The following KLF12 variants were observed in gnomAD, a reference collection of about 807,000 sequenced individuals.
KLF12 encodes KLF transcription factor 12, also known as Krueppel-like factor 12.
A neutral mutation model predicts 37.8 loss-of-function variants in KLF12; 9 were observed. That is an observed-to-expected ratio of 0.24 (90% CI 0.14 to 0.42). The LOEUF (loss-of-function observed/expected upper bound fraction) is 0.42. Among genes scored for constraint, KLF12 ranks in the 10% least tolerant of loss-of-function variants. The pLI is 1.00. For synonymous variants in KLF12, 208 were observed against 202.1 expected (o/e 1.03, Z -0.25); for missense variants, 411 against 516.0 (o/e 0.80, Z 1.97).
chr13:74,056,423 A>G (rs1234965010), intron 1 of KLF12, among the ~76,000 whole-genome samples: 2 of 152,212 alleles, frequency 1.3e-5, no homozygotes, highest in Non-Finnish European at 2.9e-5. Flanking sequence ...CTTACAGTAA[A>G]GATTAATAAC....
chr13:74,110,610 T>C (rs536862215), intron 1 of KLF12, among the ~76,000 whole-genome samples: 8 of 152,290 alleles, frequency 5.3e-5, no homozygotes, highest in African/African-American at 1.9e-4. Context: ...GGTAGTACAG[T>C]GCTCAGAGGG....
At chr13:74,153,039 T>C in the KLF12 span, among the ~76,000 whole-genome samples, 1 of 152,154 alleles carries the variant, frequency 6.6e-6, no homozygotes, top group Admixed American at 6.5e-5. Flanking sequence ...TATTGTTTAT[T>C]AAATGTTTGC....
chr13:73,795,428 G>A (rs1881907274), intron 5 of KLF12, among the ~76,000 whole-genome samples: 1 of 152,094 alleles, frequency 6.6e-6, no homozygotes, highest in African/African-American at 2.4e-5. Context: ...TCTTACATAT[G>A]GCAAATGTTC....
intron 3 of KLF12, among the ~76,000 whole-genome samples, chr13:73,893,139 C>A (rs1887592423): frequency 1.3e-5 from 2 of 152,054 alleles, no homozygotes; most frequent in South Asian, 4.1e-4. Context: ...AAAATCCTTG[C>A]CCCACACCTC....
At chr13:74,171,451 C>T in the KLF12 span, among the ~76,000 whole-genome samples, 1 of 152,174 alleles carries the variant, frequency 6.6e-6, no homozygotes, top group Non-Finnish European at 1.5e-5. Context: ...CTGCTAAACA[C>T]ATTCCCTCCC....
chr13:73,770,185 A>G (rs539005688), intron 5 of KLF12, among the ~76,000 whole-genome samples: 1 of 152,318 alleles, frequency 6.6e-6, no homozygotes, highest in East Asian at 1.9e-4. Context: ...TATATAAAAG[A>G]TAATTTAAAA....
chr13:73,878,008 T>C (rs1175546355), intron 3 of KLF12, among the ~76,000 whole-genome samples: 2 of 152,178 alleles, frequency 1.3e-5, no homozygotes, highest in Non-Finnish European at 2.9e-5. Context: ...GATGTTTATA[T>C]AGTTAATACA....
At position 73,831,911 on chromosome 13, in the gene KLF12, A is replaced by C. The variant is rs535666669; in HGVS notation, c.670+13916T>G. 3.3e-5 allele frequency among the ~76,000 whole-genome samples: 5 copies of C among 152,332 alleles called. No individual in the cohort carries two copies. In the South Asian group the frequency reaches 1.0e-3, roughly 32 times the overall value. ...ATCTACTGAGAAGACATTTTGGGGA[A>C]CCCAAGTTATAAAAATAACGATTGA... is the stretch of plus-strand genomic sequence containing the variant. On this transcript the variant is annotated intron_variant, in intron 4 of 7. Coordinates refer to ENST00000377669, the MANE Select transcript of KLF12 (RefSeq NM_007249.5).
chr13:74,174,547 C>G, the KLF12 span, among the ~76,000 whole-genome samples: 2 of 151,870 alleles, frequency 1.3e-5, no homozygotes, highest in Non-Finnish European at 2.9e-5. Context: ...CTGGTACAGC[C>G]TTAGTCTTAA....
At chr13:74,154,539 C>T in the KLF12 span, among the ~76,000 whole-genome samples, 1 of 152,148 alleles carries the variant, frequency 6.6e-6, no homozygotes, top group African/African-American at 2.4e-5. Flanking sequence ...TTTCTCTTTC[C>T]TCCTTTTCCT....
chr13:73,811,217 A>C (rs1416518704), intron 5 of KLF12, among the ~76,000 whole-genome samples: 4 of 151,516 alleles, frequency 2.6e-5, no homozygotes, highest in Non-Finnish European at 4.4e-5. Flanking sequence ...AACTCCTGAC[A>C]TCATGATCAG....
the KLF12 span, among the ~76,000 whole-genome samples, chr13:74,267,423 G>A: frequency 0.032 from 4,932 of 152,268 alleles, 118 homozygotes; most frequent in Middle Eastern, 0.071. Flanking sequence ...AAACCCTGTC[G>A]TTCATGGCAA....
chr13:74,273,373 G>GT, the KLF12 span, among the ~76,000 whole-genome samples: 1 of 151,164 alleles, frequency 6.6e-6, no homozygotes, highest in African/African-American at 2.4e-5. Context: ...TTTGGTAAGT[G>GT]TATCTGTGCT....
chr13:73,775,470 C>T (rs1880555209), intron 5 of KLF12, among the ~76,000 whole-genome samples: 1 of 152,176 alleles, frequency 6.6e-6, no homozygotes, highest in Non-Finnish European at 1.5e-5. Context: ...CTAGGTTATA[C>T]AGATCCCAAA....
At chr13:74,046,437 A>T (rs1336734086) in intron 1 of KLF12, among the ~76,000 whole-genome samples, 1 of 152,032 alleles carries the variant, frequency 6.6e-6, no homozygotes, top group African/African-American at 2.4e-5. Context: ...AAATAAATTT[A>T]AAAATAAATA....
In KLF12 at chr13:73,693,367, A is replaced by C. The variant is rs998055824; in HGVS notation, c.*2123T>G. ...CTGGTTGATGAGTAGTAGACTGTGC[A>C]GCTAAAGATGCTATTTATCACTAGA... On this transcript the variant is annotated 3_prime_UTR_variant, in exon 8 of 8. Transcript: ENST00000377669. 1 of 152,246 alleles carries C rather than the reference A, an allele frequency of 6.6e-6. No individual in the cohort carries two copies. The highest frequency in any genetic ancestry group is 1.5e-5 in the Non-Finnish European group (1 of 68,050). The allele number at this position is 152,246 out of a possible 1,614,324, so 9.4% of individuals were successfully genotyped here.
the KLF12 span, among the ~76,000 whole-genome samples, chr13:74,182,725 C>A: frequency 6.6e-6 from 1 of 152,172 alleles, no homozygotes; most frequent in Non-Finnish European, 1.5e-5. Flanking sequence ...TGATACATTT[C>A]CTTATAGAAA....
At chr13:73,739,569 G>A (rs774089004) in intron 6 of KLF12, among the ~76,000 whole-genome samples, 52 of 152,062 alleles carry the variant, frequency 3.4e-4, no homozygotes, top group South Asian at 8.3e-4. Flanking sequence ...TAAAGGTTGG[G>A]AGTCATTGCT....
At chr13:73,814,867 G>T (rs1164472593) in intron 4 of KLF12, among the ~76,000 whole-genome samples, 3 of 152,152 alleles carry the variant, frequency 2.0e-5, no homozygotes, top group Admixed American at 1.3e-4. Flanking sequence ...GACTGAACCA[G>T]TCCAAAATGG....
Sources: gnomAD v4.1 joint callset for allele counts (sites outside exome capture counted in the v4.1 genomes callset) on GRCh38, gnomAD v4.1.1 for gene constraint, MANE v1.5 for transcripts, NCBI Gene and HGNC (gene_info 2026-07-23, HGNC 2026-07-21) for gene names.